CD226: variants seen among roughly 807,000 people sequenced by gnomAD.
The protein encoded by CD226 is CD226 molecule.
Under a neutral mutation model 34.9 loss-of-function variants are expected in CD226, and 24 were observed. The observed-to-expected ratio is 0.69, with a 90% CI of 0.50 to 0.97. CD226 has a LOEUF of 0.97. Ranked by LOEUF, CD226 falls within the 50% of genes least tolerant of loss-of-function variation. The pLI is 0.00. For synonymous variants in CD226, 148 were observed against 147.4 expected (o/e 1.00, Z -0.03); for missense variants, 397 against 412.7 (o/e 0.96, Z 0.33).
intron 2 of CD226, among the ~76,000 whole-genome samples, chr18:69,903,629 T>A (rs1222620115): frequency 1.3e-5 from 2 of 151,902 alleles, no homozygotes; most frequent in Admixed American, 6.6e-5. Flanking sequence ...GACCGTGTCC[T>A]TATAAAAAGG....
chr18:69,864,561 A>G (rs763362), intron 5 of CD226, 122 bp from the exon 6 acceptor site: 364,261 of 922,208 alleles, frequency 0.39, 73,085 homozygotes, highest in Middle Eastern at 0.52. Flanking sequence ...ATTATAATTA[A>G]TTTGATAAAA....
At chr18:69,921,216 T>C (rs17081826) in intron 2 of CD226, among the ~76,000 whole-genome samples, 6,463 of 152,112 alleles carry the variant, frequency 0.042, 489 homozygotes, top group African/African-American at 0.15. Flanking sequence ...CACCTCTCAC[T>C]ACATCTGTCC....
chr18:69,956,785 C>T (rs2055901503), exon 1 of CD226: 1 of 152,242 alleles, frequency 6.6e-6, no homozygotes, highest in South Asian at 2.1e-4. Flanking sequence ...CGCTCTAACG[C>T]TTCTTCCCAT....
At chr18:69,872,901 G>A (rs752689467) in intron 4 of CD226, among the ~76,000 whole-genome samples, 12 of 152,120 alleles carry the variant, frequency 7.9e-5, no homozygotes, top group Non-Finnish European at 1.8e-4. Context: ...AGACAGGGCA[G>A]GATAAAGAGC....
At chr18:69,878,498 G>A (rs574813107) in intron 3 of CD226, among the ~76,000 whole-genome samples, 19 of 152,132 alleles carry the variant, frequency 1.2e-4, no homozygotes, top group African/African-American at 4.3e-4. Context: ...AGGCAAGAGT[G>A]GCCATTAATG....
At chr18:69,932,326 C>T (rs958914402) in intron 2 of CD226, among the ~76,000 whole-genome samples, 18 of 152,124 alleles carry the variant, frequency 1.2e-4, no homozygotes, top group South Asian at 4.1e-4. Context: ...TGACATGACA[C>T]GACAATGTAA....
intron 2 of CD226, among the ~76,000 whole-genome samples, chr18:69,939,289 T>A (rs574461088): frequency 6.6e-6 from 1 of 152,362 alleles, no homozygotes; most frequent in South Asian, 2.1e-4. Flanking sequence ...ACCACGTTTG[T>A]ATCTATAAAT....
At chr18:69,880,530 G>T (rs1003016233) in intron 3 of CD226, among the ~76,000 whole-genome samples, 2 of 152,128 alleles carry the variant, frequency 1.3e-5, no homozygotes, top group Non-Finnish European at 2.9e-5. Flanking sequence ...TAATGTCTTA[G>T]AAGTAGAAAG....
chr18:69,960,319 G>A (rs909251673), upstream of CD226, among the ~76,000 whole-genome samples: 20 of 151,438 alleles, frequency 1.3e-4, no homozygotes, highest in African/African-American at 3.6e-4. Context: ...AGGACACTAC[G>A]AGACCACAAG....
At chr18:69,883,288 T>TA (rs959696795) in intron 3 of CD226, among the ~76,000 whole-genome samples, 33 of 151,698 alleles carry the variant, frequency 2.2e-4, no homozygotes, top group African/African-American at 5.8e-4. Context: ...TTTATAACAA[T>TA]AAAAAAAACC....
chr18:69,905,673 T>G (rs1357992894), intron 2 of CD226, among the ~76,000 whole-genome samples: 1 of 152,184 alleles, frequency 6.6e-6, no homozygotes, highest in African/African-American at 2.4e-5. Flanking sequence ...CCACAAAGAT[T>G]ACTGGGTGTA....
intron 2 of CD226, among the ~76,000 whole-genome samples, chr18:69,905,791 T>C (rs1285442509): frequency 6.6e-6 from 1 of 152,160 alleles, no homozygotes; most frequent in African/African-American, 2.4e-5. Flanking sequence ...AGAGAGCCTG[T>C]AGAAATTCCC....
intron 2 of CD226, among the ~76,000 whole-genome samples, chr18:69,930,959 A>G (rs1000317255): frequency 6.6e-6 from 1 of 152,218 alleles, no homozygotes; most frequent in African/African-American, 2.4e-5. Flanking sequence ...CACTATTCAC[A>G]GTAGCAAAGA....
In CD226 at chr18:69,946,630, C is replaced by G. The variant is rs552500165; in HGVS notation, c.382+104G>C. ...CTAGAAATGGAATTGGAGAATGCCA[C>G]AGAAATACGAGAAGACATTCTATAG... On this transcript the variant is annotated intron_variant, in intron 2 of 5. Transcript: ENST00000582621. 1.8e-3 allele frequency: 1,368 copies of G among 772,952 alleles called. 23 individuals carry two copies. The highest frequency in any genetic ancestry group is 9.4e-3 in the South Asian group (520 of 55,140). The allele number at this position is 772,952 out of a possible 1,614,324, so 47.9% of individuals were successfully genotyped here.
chr18:69,934,279 TACACACACAC>T (rs760259895), intron 2 of CD226, among the ~76,000 whole-genome samples: 6 of 73,100 alleles, frequency 8.2e-5, no homozygotes, highest in Non-Finnish European at 9.3e-5. Context: ...ACACAGAGGA[TACACACACAC>T]ACACACACAC....
chr18:69,871,361 C>A (rs1434747948), intron 4 of CD226, among the ~76,000 whole-genome samples: 1 of 152,178 alleles, frequency 6.6e-6, no homozygotes, highest in Non-Finnish European at 1.5e-5. Flanking sequence ...ATGACCTGAC[C>A]TCCTGTTTTA....
intron 2 of CD226, among the ~76,000 whole-genome samples, chr18:69,931,172 A>C (rs554235667): frequency 2.6e-5 from 4 of 152,312 alleles, no homozygotes; most frequent in African/African-American, 4.8e-5. Context: ...CATAGGTGGG[A>C]ATTGAACAAT....
chr18:69,915,183 G>T (rs1203602202), intron 2 of CD226, among the ~76,000 whole-genome samples: 1 of 152,164 alleles, frequency 6.6e-6, no homozygotes, highest in African/African-American at 2.4e-5. Flanking sequence ...GAGAACATTG[G>T]ATCTGATAGG....
intron 2 of CD226, among the ~76,000 whole-genome samples, chr18:69,939,069 G>C (rs141223613): frequency 0.038 from 5,739 of 152,286 alleles, 147 homozygotes; most frequent in Middle Eastern, 0.082. Flanking sequence ...CTGGGCAACA[G>C]AGTGAGACTC....
Sources: allele counts gnomAD v4.1 joint callset (sites outside exome capture counted in the v4.1 genomes callset), GRCh38; gene constraint gnomAD v4.1.1; transcripts MANE v1.5; gene names NCBI Gene and HGNC (gene_info 2026-07-23, HGNC 2026-07-21).